Variants in MYRF observed in about 807,000 individuals in gnomAD.
The protein encoded by MYRF is myelin gene regulatory factor.
A neutral mutation model predicts 126.3 loss-of-function variants in MYRF; 16 were observed. The observed-to-expected ratio is 0.13, with a 90% confidence interval of 0.09 to 0.19. The LOEUF (loss-of-function observed/expected upper bound fraction) is 0.19. Among genes scored for constraint, MYRF ranks in the 10% least tolerant of loss-of-function variants. The pLI is 1.00. For synonymous variants in MYRF, 608 were observed against 635.3 expected (o/e 0.96, Z 0.65); for missense variants, 1,104 against 1,547.0 (o/e 0.71, Z 4.80).
At chr11:61,762,812 C>T (rs2065936168) in intron 1 of MYRF, among the ~76,000 whole-genome samples, 1 of 152,196 alleles carries the variant, frequency 6.6e-6, no homozygotes, top group Non-Finnish European at 1.5e-5. Context: ...ACTTCTTCCC[C>T]ACCCACTGGC....
At chr11:61,773,015 T>G (rs2066269446) in intron 7 of MYRF, among the ~76,000 whole-genome samples, 1 of 151,636 alleles carries the variant, frequency 6.6e-6, no homozygotes, top group Non-Finnish European at 1.5e-5. Flanking sequence ...TTTTTTTTTT[T>G]TTTTTTTTGA....
intron 1 of MYRF, among the ~76,000 whole-genome samples, chr11:61,753,265 C>G (rs543810927): frequency 6.6e-6 from 1 of 151,894 alleles, no homozygotes; most frequent in Non-Finnish European, 1.5e-5. Context: ...CTGTGACCCC[C>G]GCCTAGAGAC....
rs571174505 is a variant in MYRF, at chr11:61,766,101, C to T, written c.278C>T (p.Pro93Leu). 2.3e-5 allele frequency: 37 copies of T among 1,607,616 alleles called. No individual in the cohort carries two copies. The highest frequency in any genetic ancestry group is 1.5e-4 in the South Asian group (14 of 91,064). The change falls in exon 3 of 27, where the codon CCG becomes CTG. Residue 93 changes from proline (P) to leucine (L), a missense_variant. Around this residue, in one of 10 missense-constraint regions of MYRF, gnomAD observed 368 missense variants for 403.9 expected, o/e 0.91. Coordinates refer to ENST00000278836, the MANE Select transcript of MYRF (RefSeq NM_001127392.3). ...SPGRHGPLPPPGYGTPLNCNN... is the reference protein window; with the variant it reads ...SPGRHGPLPPLGYGTPLNCNN... ...GGGCGCCATGGTCCCCTCCCACCCCCGGGCTACGGCACCCCGCTGAACTGC... is the reference window on the plus strand; with the variant it reads ...GGGCGCCATGGTCCCCTCCCACCCCTGGGCTACGGCACCCCGCTGAACTGC...
At position 61,776,743 on chromosome 11, in the gene MYRF, C is replaced by CG. The variant is rs763941341; in HGVS notation, c.1500-39dup. On this transcript the variant is annotated intron_variant, in intron 10 of 26. Coordinates refer to ENST00000278836, the MANE Select transcript of MYRF (RefSeq NM_001127392.3). This position sits in a 1 kb window ranked among gnomAD's most constrained non-coding sequence, Gnocchi z 4.3. ...GCCAGGGAAAGGGTGGCCCTGGGGG[C>CG]GGGGGCAGGCCATGAGTACTTCTGA... 1.4e-6 allele frequency: 2 copies of CG among 1,464,920 alleles called. No homozygotes were observed. The highest frequency in any genetic ancestry group is 1.4e-5 in the African/African-American group (1 of 71,696). 90.7% of individuals were successfully genotyped at this position (1,464,920 alleles called of 1,614,324 possible).
At chr11:61,758,581 T>G (rs900933117) in intron 1 of MYRF, among the ~76,000 whole-genome samples, 2 of 152,196 alleles carry the variant, frequency 1.3e-5, no homozygotes, top group Admixed American at 6.5e-5. Context: ...GGCCTGGGCC[T>G]GTCGTCGGGT....
chr11:61,781,160 G>T lies in MYRF; in HGVS notation c.2595G>T (p.Ser865=). The change falls in exon 21 of 27, where the codon TCG becomes TCT. Residue 865 remains serine (S), a synonymous_variant. Coordinates refer to ENST00000278836, the MANE Select transcript of MYRF (RefSeq NM_001127392.3). ...LLLVTTSLTS[S]APGSAVRTLD... ...CAGTGACCACCAGCCTCACCAGCTC[G>T]GCCCCAGGTTCTGCTGTCCGCACCT... 6.2e-7 allele frequency: 1 copy of T among 1,613,680 alleles called. No homozygotes were observed. The highest frequency in any genetic ancestry group is 8.5e-7 in the Non-Finnish European group (1 of 1,180,000).
intron 1 of MYRF, among the ~76,000 whole-genome samples, chr11:61,761,267 G>GA (rs919815170): frequency 2.6e-5 from 4 of 151,778 alleles, no homozygotes; most frequent in African/African-American, 7.3e-5. Context: ...GGTGGGGGGG[G>GA]GGGCACATAA....
rs2066422680 is a variant in MYRF, at chr11:61,777,612, C to T, written c.1792-122C>T. On this transcript the variant is annotated intron_variant, in intron 12 of 26. Transcript: ENST00000278836. The surrounding 1 kb of genome is among the most constrained non-coding windows in gnomAD (Gnocchi z 8.8). ...AGGCTGGCCTCGAATCCCGATCTAACCACTCCAGTGGTGGGGTCTCCTCTC... is the reference window on the plus strand; with the variant it reads ...AGGCTGGCCTCGAATCCCGATCTAATCACTCCAGTGGTGGGGTCTCCTCTC... 3 of 1,313,294 alleles carry T rather than the reference C, an allele frequency of 2.3e-6. No individual in the cohort carries two copies. In the African/African-American group the frequency reaches 4.4e-5, roughly 19 times the overall value. The allele number at this position is 1,313,294 out of a possible 1,614,324, so 81.4% of individuals were successfully genotyped here.
chr11:61,774,587 A>T (rs1205284297), intron 8 of MYRF, among the ~76,000 whole-genome samples: 4 of 148,692 alleles, frequency 2.7e-5, no homozygotes, highest in Non-Finnish European at 5.9e-5. Flanking sequence ...GTGTGTGTAA[A>T]CTCCCCCACT....
rs968252693 is a variant in MYRF, at chr11:61,779,940, C to A, written c.2336+10C>A. 1 of 1,611,422 alleles carries A rather than the reference C, an allele frequency of 6.2e-7. No individual in the cohort carries two copies. Among genetic ancestry groups the A allele is most frequent in the Admixed American group, 1.7e-5 (1 of 59,798 alleles). On this transcript the variant is annotated intron_variant, in intron 17 of 26. Coordinates refer to ENST00000278836, the MANE Select transcript of MYRF (RefSeq NM_001127392.3). ...TGGTCATGGCCTTCAGGTGACTTGT[C>A]CCCTGGGCTCTCATGGTGGCTGACT...
At chr11:61,755,687 C>A (rs2065731850) in intron 1 of MYRF, 1 of 697,314 alleles carries the variant, frequency 1.4e-6, no homozygotes, top group Non-Finnish European at 2.6e-6. Context: ...AAGAAGCTCA[C>A]TGCCCAGCCC....
intron 7 of MYRF, 56 bp from the exon 8 acceptor site, chr11:61,773,911 G>T: frequency 2.0e-6 from 3 of 1,481,864 alleles, no homozygotes; most frequent in Non-Finnish European, 2.7e-6. Context: ...AGGAGGAACC[G>T]ATGTTCCAGG....
rs754152606 is a variant in MYRF, at chr11:61,773,963, C to G, written c.1116-4C>G. ...CAGGGGAGTGCCCTCACCCGCCCCCCCAGGCCCATGCTCACCTACCGCGTG... is the reference window on the plus strand; with the variant it reads ...CAGGGGAGTGCCCTCACCCGCCCCCGCAGGCCCATGCTCACCTACCGCGTG... On this transcript the variant is annotated splice_region_variant and splice_polypyrimidine_tract_variant and intron_variant, in intron 7 of 26. Transcript: ENST00000278836. 1.2e-6 allele frequency: 2 copies of G among 1,606,970 alleles called. No homozygotes were observed. The highest frequency in any genetic ancestry group is 2.2e-5 in the South Asian group (2 of 90,952).
rs1188070276 is a variant in MYRF, at chr11:61,770,169, T to A, written c.461-77T>A. On this transcript the variant is annotated intron_variant, in intron 4 of 26. Coordinates refer to ENST00000278836, the MANE Select transcript of MYRF (RefSeq NM_001127392.3). ...TCAGGACGGGGTGGAAGCAGGAGAC[T>A]CTGCCTTGGGGAGGACAGTGCCCAG... 17 of 1,378,790 alleles carry A rather than the reference T, an allele frequency of 1.2e-5. No homozygotes were observed. In the African/African-American group the frequency reaches 1.5e-4, roughly 12 times the overall value. The allele number at this position is 1,378,790 out of a possible 1,614,324, so 85.4% of individuals were successfully genotyped here.
At chr11:61,773,004 C>CT (rs144470023) in intron 7 of MYRF, among the ~76,000 whole-genome samples, 15 of 130,630 alleles carry the variant, frequency 1.1e-4, no homozygotes, top group African/African-American at 4.2e-4. Context: ...AACAGTTGCT[C>CT]TTTTTTTTTT....
In MYRF at chr11:61,770,433, C is replaced by T. The variant is rs753113267; in HGVS notation, c.648C>T (p.Tyr216=). The part of the protein sequence containing the change: ...YMKAEPPIPH[Y]AAMGQGLVPT... ...AGGCCGAGCCCCCGATCCCCCACTACGCTGCCATGGGGCAGGGGCTGGTGC... is the reference window on the plus strand; with the variant it reads ...AGGCCGAGCCCCCGATCCCCCACTATGCTGCCATGGGGCAGGGGCTGGTGC... Residue 216 remains tyrosine, a synonymous_variant, in exon 5 of 27, where the codon TAC becomes TAT. Coordinates refer to ENST00000278836, the MANE Select transcript of MYRF (RefSeq NM_001127392.3). 27 of 1,552,374 alleles carry T rather than the reference C, an allele frequency of 1.7e-5. No individual in the cohort carries two copies. The highest frequency in any genetic ancestry group is 7.1e-5 in the South Asian group (6 of 84,234).
chr11:61,770,401 T>C lies in MYRF; in HGVS notation c.616T>C (p.Tyr206His). The change falls in exon 5 of 27, where the codon TAC (tyrosine) becomes CAC (histidine). Residue 206 changes from tyrosine to histidine, a missense_variant. Coordinates refer to ENST00000278836, the MANE Select transcript of MYRF (RefSeq NM_001127392.3). ...CTACCCTGTCCTGCAGCGGGATCTG[T>C]ACATGAAGGCCGAGCCCCCGATCCC... is the stretch of plus-strand genomic sequence containing the variant. ...PHYPVLQRDL[Y>H]MKAEPPIPHY... 6.7e-7 allele frequency: 1 copy of C among 1,496,340 alleles called. No homozygotes were observed. The highest frequency in any genetic ancestry group is 9.0e-7 in the Non-Finnish European group (1 of 1,114,066). The allele number at this position is 1,496,340 out of a possible 1,614,324, so 92.7% of individuals were successfully genotyped here.
chr11:61,769,082 C>T (rs562862166), intron 3 of MYRF, among the ~76,000 whole-genome samples, 178 bp from the exon 4 acceptor site: 3 of 152,226 alleles, frequency 2.0e-5, no homozygotes, highest in African/African-American at 7.2e-5. Context: ...GGCCCCAGGC[C>T]CTGCCAGGCA....
At chr11:61,765,792 G>T in intron 2 of MYRF, 80 bp downstream of exon 2, 1 of 1,479,564 alleles carries the variant, frequency 6.8e-7, no homozygotes, top group South Asian at 1.2e-5. Flanking sequence ...AGGTCTGAGG[G>T]CCGGACCTGG....
Sources: gnomAD v4.1 joint callset for allele counts (sites outside exome capture counted in the v4.1 genomes callset) on GRCh38, gnomAD v4.1.1 for gene constraint, gnomAD v4.1.1 regional missense constraint, Gnocchi (gnomAD v3.1) non-coding constraint, MANE v1.5 for transcripts, NCBI Gene and HGNC (gene_info 2026-07-23, HGNC 2026-07-21) for gene names.